ADAM28: variants seen among roughly 807,000 people sequenced by gnomAD.
ADAM28 encodes ADAM metallopeptidase domain 28.
In ADAM28, 105 loss-of-function variants were observed where a neutral mutation model predicts 101.2. The ratio of observed to expected loss-of-function variants is 1.04; its 90% CI spans 0.89 to 1.22. ADAM28 has a LOEUF of 1.22. Ranked by LOEUF, ADAM28 falls within the 50% of genes most tolerant of loss-of-function variation. The pLI is 0.00. For synonymous variants in ADAM28, 322 were observed against 310.6 expected, an observed-to-expected ratio of 1.04 and a Z score of -0.39; for missense variants, 1,028 against 945.4, an observed-to-expected ratio of 1.09 and a Z score of -1.15.
chr8:24,295,272 C>T (rs1426877542), intron 1 of ADAM28, among the ~76,000 whole-genome samples: 1 of 152,198 alleles, frequency 6.6e-6, no homozygotes, highest in South Asian at 2.1e-4. Flanking sequence ...CTGAACTGAA[C>T]CTTTTCCCAC....
intron 6 of ADAM28, among the ~76,000 whole-genome samples, chr8:24,317,250 GA>G (rs377237476): frequency 4.0e-5 from 6 of 149,736 alleles, no homozygotes; most frequent in African/African-American, 7.3e-5. Flanking sequence ...GGAATTCTGA[GA>G]AAAAAAAAGA....
intron 15 of ADAM28, 179 bp from the exon 16 acceptor site, chr8:24,341,419 A>G: frequency 4.8e-6 from 3 of 628,146 alleles, no homozygotes; most frequent in Non-Finnish European, 8.1e-6. Flanking sequence ...TTTGAGCAAT[A>G]ATATATTGTG....
At chr8:24,348,396 A>G (rs1173396926) in intron 18 of ADAM28, among the ~76,000 whole-genome samples, 2 of 152,080 alleles carry the variant, frequency 1.3e-5, no homozygotes, top group African/African-American at 4.8e-5. Context: ...AATACTCCAT[A>G]AACCTACATT....
chr8:24,307,606 C>G (rs914886033), intron 2 of ADAM28, among the ~76,000 whole-genome samples: 5 of 152,110 alleles, frequency 3.3e-5, no homozygotes, highest in African/African-American at 1.2e-4. Flanking sequence ...AGTAAGTAAA[C>G]TAATGGACAA....
At chr8:24,295,672 T>A (rs936027161) in intron 1 of ADAM28, 1 of 152,176 alleles carries the variant, frequency 6.6e-6, no homozygotes, top group South Asian at 2.1e-4. Context: ...ACTAATCAGT[T>A]CTGCTGCCCC....
At chr8:24,339,394 C>A (rs1268413730) in intron 14 of ADAM28, 72 bp from the exon 15 acceptor site, 2 of 1,194,828 alleles carry the variant, frequency 1.7e-6, no homozygotes, top group East Asian at 2.6e-5. Context: ...TCTTTAAAAT[C>A]TTTTATTTTC....
At chr8:24,354,356 G>C in intron 22 of ADAM28, 28 bp from the exon 23 acceptor site, 1 of 1,490,788 alleles carries the variant, frequency 6.7e-7, no homozygotes, top group Non-Finnish European at 9.0e-7. Flanking sequence ...GAAGAAAGTT[G>C]ATCATTTAGA....
intron 13 of ADAM28, among the ~76,000 whole-genome samples, chr8:24,333,062 A>G (rs1813566143): frequency 1.3e-5 from 2 of 152,208 alleles, no homozygotes; most frequent in Non-Finnish European, 2.9e-5. Context: ...GAAATAAGCC[A>G]GCATAGAAAG....
Position 24,356,397 on chromosome 8 carries a change from A to G in ADAM28, c.*1993A>G, listed in dbSNP as rs541173675. On this transcript the variant is annotated 3_prime_UTR_variant, in exon 23 of 23. Transcript: ENST00000265769. ...ACTAGCCATGTACCATAACCCAAGC[A>G]AAAACTAAACCATACACTCTCAAAA... 18 of 152,340 alleles carry G rather than the reference A, an allele frequency of 1.2e-4. No individual in the cohort carries two copies. The South Asian group carries it at 3.3e-3, about 28-fold the overall frequency. 9.4% of individuals were successfully genotyped at this position (152,340 alleles called of 1,614,324 possible). A position where few individuals can be genotyped will look rare whatever the true frequency, so the allele number is the denominator to read the frequency against.
chr8:24,310,844 C>A (rs1328983057), intron 4 of ADAM28, among the ~76,000 whole-genome samples: 1 of 152,000 alleles, frequency 6.6e-6, no homozygotes, highest in African/African-American at 2.4e-5. Context: ...ATGGAACACC[C>A]ACACGAAAAA....
chr8:24,313,758 A>AT (rs11458720), intron 6 of ADAM28, among the ~76,000 whole-genome samples, 178 bp downstream of exon 6: 18,852 of 139,178 alleles, frequency 0.14, 1,271 homozygotes, highest in East Asian at 0.25. Flanking sequence ...GGAATCAACT[A>AT]TTTTTTTTTT....
intron 7 of ADAM28, 107 bp from the exon 8 acceptor site, chr8:24,321,111 C>G: frequency 1.6e-6 from 1 of 645,112 alleles, no homozygotes; most frequent in Non-Finnish European, 2.7e-6. Context: ...AATAACTAAT[C>G]TTTAATTAAA....
intron 8 of ADAM28, chr8:24,321,539 G>C (rs1438119769): frequency 4.5e-6 from 2 of 445,130 alleles, no homozygotes; most frequent in South Asian, 2.3e-5. Context: ...AAGCTACATG[G>C]GTGCATTGTA....
At chr8:24,350,674 C>T (rs75889690) in intron 19 of ADAM28, among the ~76,000 whole-genome samples, 6,354 of 152,174 alleles carry the variant, frequency 0.042, 453 homozygotes, top group African/African-American at 0.14. Context: ...ATAAAGTGGT[C>T]ATGAGTTTCA....
chr8:24,312,905 A>T (rs906544874), intron 5 of ADAM28, among the ~76,000 whole-genome samples: 3 of 152,106 alleles, frequency 2.0e-5, no homozygotes, highest in Non-Finnish European at 4.4e-5. Flanking sequence ...CTTTACTATC[A>T]CTATATTAGG....
chr8:24,343,074 G>A, intron 16 of ADAM28, 27 bp from the exon 17 acceptor site: 1 of 1,613,386 alleles, frequency 6.2e-7, no homozygotes, highest in East Asian at 2.2e-5. Context: ...AGAAGATGAA[G>A]CTTCATGTTT....
intron 9 of ADAM28, among the ~76,000 whole-genome samples, 178 bp downstream of exon 9, chr8:24,324,181 T>G (rs568135554): frequency 1.3e-5 from 2 of 151,876 alleles, no homozygotes; most frequent in South Asian, 4.2e-4. Flanking sequence ...AAAGAGAGGG[T>G]CAATAATTTG....
At chr8:24,347,754 A>G (rs759693435) in intron 18 of ADAM28, among the ~76,000 whole-genome samples, 3 of 152,106 alleles carry the variant, frequency 2.0e-5, no homozygotes, top group Admixed American at 6.6e-5. Flanking sequence ...GTGTATCATG[A>G]TGAAATGGTG....
At chr8:24,312,155 A>G (rs1302481750) in intron 5 of ADAM28, among the ~76,000 whole-genome samples, 2 of 152,170 alleles carry the variant, frequency 1.3e-5, no homozygotes, top group Non-Finnish European at 2.9e-5. Flanking sequence ...ATAGTAATCT[A>G]TAGTAAGGTG....
Sources: gnomAD v4.1 joint callset for allele counts (sites outside exome capture counted in the v4.1 genomes callset) on GRCh38, gnomAD v4.1.1 for gene constraint, MANE v1.5 for transcripts, NCBI Gene and HGNC (gene_info 2026-07-23, HGNC 2026-07-21) for gene names.